LRRIQ3: variants seen among roughly 807,000 people sequenced by gnomAD.
The protein encoded by LRRIQ3 is leucine rich repeats and IQ motif containing 3, also known as leucine-rich repeat and IQ domain-containing protein 3.
A neutral mutation model predicts 59.3 loss-of-function variants in LRRIQ3; 75 were observed. The observed-to-expected ratio is 1.26, with a 90% CI of 1.05 to 1.53. The LOEUF is 1.53. Ranked by LOEUF, LRRIQ3 falls within the 40% of genes most tolerant of loss-of-function variation. The pLI, the probability that LRRIQ3 is intolerant of heterozygous loss-of-function variation, is 0.00. For synonymous variants in LRRIQ3, 250 were observed against 231.3 expected, an observed-to-expected ratio of 1.08 and a Z score of -0.73; for missense variants, 831 against 710.0, an observed-to-expected ratio of 1.17 and a Z score of -1.94.
intron 4 of LRRIQ3, among the ~76,000 whole-genome samples, chr1:74,113,458 A>G (rs1646731974): frequency 6.6e-6 from 1 of 152,142 alleles, no homozygotes; most frequent in Non-Finnish European, 1.5e-5. Flanking sequence ...CCACGTCCAG[A>G]CACATCATAG....
intron 6 of LRRIQ3, among the ~76,000 whole-genome samples, chr1:74,050,375 T>C (rs1654336600): frequency 6.6e-6 from 1 of 152,204 alleles, no homozygotes. Flanking sequence ...TAAAAAGCAA[T>C]TATTCTTATA....
chr1:74,069,746 A>T (rs1360890984), intron 6 of LRRIQ3, among the ~76,000 whole-genome samples: 1 of 152,072 alleles, frequency 6.6e-6, no homozygotes, highest in African/African-American at 2.4e-5. Flanking sequence ...GAGACTTTGA[A>T]CTTCATAATC....
chr1:74,088,374 C>A (rs1251425985), intron 5 of LRRIQ3, among the ~76,000 whole-genome samples: 1 of 151,970 alleles, frequency 6.6e-6, no homozygotes, highest in African/African-American at 2.4e-5. Flanking sequence ...AAAACAATAA[C>A]AAACTATACC....
chr1:74,180,824 A>C (rs1448528607), intron 3 of LRRIQ3: 5 of 1,545,200 alleles, frequency 3.2e-6, no homozygotes, highest in Non-Finnish European at 3.5e-6. Flanking sequence ...ATGAGGAATA[A>C]ATATTCTTCA....
At chr1:74,197,579 A>C (rs2100756399) in intron 1 of LRRIQ3, among the ~76,000 whole-genome samples, 1 of 152,334 alleles carries the variant, frequency 6.6e-6, no homozygotes, top group East Asian at 1.9e-4. Context: ...CCAGAGAAGA[A>C]ACCAAAATAC....
chr1:74,055,197 T>G (rs1323834900), intron 6 of LRRIQ3, among the ~76,000 whole-genome samples: 1 of 147,014 alleles, frequency 6.8e-6, no homozygotes, highest in East Asian at 2.0e-4. Flanking sequence ...TATATATATA[T>G]ATATATATAT....
intron 6 of LRRIQ3, among the ~76,000 whole-genome samples, chr1:74,056,916 G>T (rs919567556): frequency 6.6e-6 from 1 of 152,132 alleles, no homozygotes; most frequent in African/African-American, 2.4e-5. Context: ...TAATGAGGAA[G>T]TTCTCTCAAG....
At chr1:74,104,511 C>G (rs185505475) in intron 5 of LRRIQ3, among the ~76,000 whole-genome samples, 1 of 151,848 alleles carries the variant, frequency 6.6e-6, no homozygotes, top group Non-Finnish European at 1.5e-5. Flanking sequence ...AATGTGTGCT[C>G]AAAGCCACAT....
intron 7 of LRRIQ3, among the ~76,000 whole-genome samples, chr1:74,030,650 T>TA (rs1653677256): frequency 6.6e-6 from 1 of 152,108 alleles, no homozygotes; most frequent in African/African-American, 2.4e-5. Context: ...CCTAAAACCA[T>TA]AAAAACCCTA....
intron 7 of LRRIQ3, among the ~76,000 whole-genome samples, chr1:74,039,619 G>A (rs1653981201): frequency 6.6e-6 from 1 of 152,120 alleles, no homozygotes; most frequent in East Asian, 1.9e-4. Context: ...AGAAGAGAGT[G>A]GGGACCAATA....
chr1:74,029,498 G>T (rs907581740), intron 7 of LRRIQ3, among the ~76,000 whole-genome samples: 12 of 151,984 alleles, frequency 7.9e-5, no homozygotes, highest in African/African-American at 2.9e-4. Context: ...GCTGGATTAC[G>T]TTTATTGATT....
chr1:74,175,015 A>C (rs951007153), intron 3 of LRRIQ3, among the ~76,000 whole-genome samples: 5 of 152,176 alleles, frequency 3.3e-5, no homozygotes, highest in Non-Finnish European at 5.9e-5. Flanking sequence ...AAGCAGTTAC[A>C]TCTAAAACAA....
intron 3 of LRRIQ3, among the ~76,000 whole-genome samples, chr1:74,176,608 T>C (rs2100711377): frequency 1.3e-5 from 2 of 150,562 alleles, no homozygotes; most frequent in South Asian, 4.2e-4. Context: ...TTATTATAAT[T>C]CCATGGATAC....
intron 7 of LRRIQ3, 58 bp downstream of exon 7, chr1:74,041,155 A>G: frequency 7.4e-7 from 1 of 1,347,696 alleles, no homozygotes; most frequent in South Asian, 1.5e-5. Context: ...AAAATTTAGC[A>G]TGCAATATTC....
chr1:74,161,537 G>GATAATA (rs1648657532), intron 3 of LRRIQ3, among the ~76,000 whole-genome samples: 1 of 151,920 alleles, frequency 6.6e-6, no homozygotes, highest in Non-Finnish European at 1.5e-5. Context: ...TGATGTAAAA[G>GATAATA]TGCATAAGTG....
At chr1:74,084,610 C>T (rs1002054785) in intron 5 of LRRIQ3, among the ~76,000 whole-genome samples, 1 of 151,450 alleles carries the variant, frequency 6.6e-6, no homozygotes, top group African/African-American at 2.4e-5. Context: ...TGTAAAACTC[C>T]AATGCTGTCT....
chr1:74,151,238 G>T (rs180875451), intron 4 of LRRIQ3, among the ~76,000 whole-genome samples: 1 of 151,612 alleles, frequency 6.6e-6, no homozygotes, highest in Admixed American at 6.6e-5. Flanking sequence ...GAATGCTCTC[G>T]ATCTCTTGAC....
intron 5 of LRRIQ3, among the ~76,000 whole-genome samples, chr1:74,094,801 T>G (rs1646431724): frequency 6.6e-6 from 1 of 152,124 alleles, no homozygotes; most frequent in Admixed American, 6.6e-5. Flanking sequence ...ATGGAATTTT[T>G]TCTGACTATT....
chr1:74,079,161 C>T (rs1250938584), intron 5 of LRRIQ3, among the ~76,000 whole-genome samples: 1 of 151,740 alleles, frequency 6.6e-6, no homozygotes, highest in Non-Finnish European at 1.5e-5. Context: ...TCATGTTTCT[C>T]TTTTAGCTTT....
Sources: allele counts gnomAD v4.1 joint callset (sites outside exome capture counted in the v4.1 genomes callset), GRCh38; gene constraint gnomAD v4.1.1; transcripts MANE v1.5; gene names NCBI Gene and HGNC (gene_info 2026-07-23, HGNC 2026-07-21).